GPHN: variants seen among roughly 807,000 people sequenced by gnomAD.
GPHN encodes the protein gephyrin.
GPHN carries 17 observed loss-of-function variants against 95.5 expected under a neutral mutation model. That is an observed-to-expected ratio of 0.18 (90% CI 0.12 to 0.27). The LOEUF (loss-of-function observed/expected upper bound fraction) is 0.27, where lower values mean the gene tolerates loss of function less well. Ranked by LOEUF, GPHN falls within the 10% of genes least tolerant of loss-of-function variation. The pLI is 1.00. For missense variants in GPHN, 660 were observed against 978.1 expected (o/e 0.67, Z 4.34); for synonymous variants, 320 against 322.5 (o/e 0.99, Z 0.08).
chr14:66,530,161 T>C (rs1339147238), intron 1 of GPHN, among the ~76,000 whole-genome samples: 1 of 152,148 alleles, frequency 6.6e-6, no homozygotes. Flanking sequence ...TGGAGGATTC[T>C]AGAGAGGCAG....
At chr14:66,961,372 GAC>G (rs946479531) in intron 8 of GPHN, among the ~76,000 whole-genome samples, 1 of 151,704 alleles carries the variant, frequency 6.6e-6, no homozygotes, top group Admixed American at 6.6e-5. Context: ...TTCCTTTTAA[GAC>G]ACAAAAACCA....
intron 5 of GPHN, among the ~76,000 whole-genome samples, chr14:66,894,803 A>G (rs1467770413): frequency 3.3e-5 from 5 of 152,234 alleles, no homozygotes; most frequent in Admixed American, 6.5e-5. Flanking sequence ...CAAAACCACA[A>G]TGAGATACCA....
chr14:66,692,555 C>A (rs2067850456), intron 2 of GPHN, among the ~76,000 whole-genome samples: 1 of 152,136 alleles, frequency 6.6e-6, no homozygotes, highest in South Asian at 2.1e-4. Flanking sequence ...TCTATACAAC[C>A]AGGAGAGAGA....
At chr14:67,157,672 A>T (rs1480425973) in intron 18 of GPHN, among the ~76,000 whole-genome samples, 1 of 151,928 alleles carries the variant, frequency 6.6e-6, no homozygotes, top group Non-Finnish European at 1.5e-5. Context: ...AAAAATACAA[A>T]AATTCGCCGG....
intron 9 of GPHN, among the ~76,000 whole-genome samples, chr14:66,999,518 C>T (rs567627218): frequency 6.6e-6 from 1 of 151,440 alleles, no homozygotes. Flanking sequence ...ATTGAGCTAC[C>T]TCCTATGCCT....
chr14:66,952,946 G>A (rs1212208183), intron 8 of GPHN, among the ~76,000 whole-genome samples: 12 of 151,492 alleles, frequency 7.9e-5, no homozygotes, highest in African/African-American at 2.2e-4. Flanking sequence ...TTCCAGCCTC[G>A]GCCCCCTAAA....
intron 19 of GPHN, among the ~76,000 whole-genome samples, chr14:67,164,647 A>G (rs373796292): frequency 4.6e-5 from 7 of 152,092 alleles, no homozygotes; most frequent in African/African-American, 1.7e-4. Context: ...GCACACCACC[A>G]TGCCTGGCAA....
chr14:66,596,107 T>A (rs1161977787), intron 1 of GPHN, among the ~76,000 whole-genome samples: 1 of 151,956 alleles, frequency 6.6e-6, no homozygotes, highest in Non-Finnish European at 1.5e-5. Flanking sequence ...TCTGCTCAGC[T>A]CTCAGCAGAG....
At chr14:66,864,217 C>T (rs1409980909) in intron 4 of GPHN, among the ~76,000 whole-genome samples, 2 of 152,098 alleles carry the variant, frequency 1.3e-5, no homozygotes, top group Non-Finnish European at 2.9e-5. Context: ...TGAAAAGATA[C>T]TCAGCATCAT....
chr14:66,952,773 C>A (rs2068189424), intron 8 of GPHN, among the ~76,000 whole-genome samples: 2 of 152,154 alleles, frequency 1.3e-5, no homozygotes, highest in Admixed American at 1.3e-4. Flanking sequence ...CGGCTCACTG[C>A]AACCTCAGCC....
chr14:66,520,497 A>G (rs796172138), intron 1 of GPHN, among the ~76,000 whole-genome samples: 13 of 152,242 alleles, frequency 8.5e-5, no homozygotes, highest in African/African-American at 3.1e-4. Context: ...AGCTGACTTA[A>G]GGGACTCAAA....
the GPHN span, chr14:67,397,892 G>C: frequency 7.6e-7 from 1 of 1,324,090 alleles, no homozygotes; most frequent in South Asian, 1.5e-5. Flanking sequence ...TCAGGGAGGG[G>C]GTGTCTGGTG....
the GPHN span, among the ~76,000 whole-genome samples, chr14:67,284,621 A>C: frequency 6.7e-6 from 1 of 149,196 alleles, no homozygotes; most frequent in African/African-American, 2.5e-5. Flanking sequence ...TATAATTCCA[A>C]AATATGTACC....
chr14:67,352,438 A>G, the GPHN span, among the ~76,000 whole-genome samples: 2 of 152,098 alleles, frequency 1.3e-5, no homozygotes, highest in East Asian at 3.9e-4. Flanking sequence ...AAAAAAAAAA[A>G]AAAAGAAAAA....
At chr14:67,710,518 CA>C in the GPHN span, among the ~76,000 whole-genome samples, 1 of 152,100 alleles carries the variant, frequency 6.6e-6, no homozygotes, top group African/African-American at 2.4e-5. Flanking sequence ...CCAGTCATGT[CA>C]TTTTACTCTA....
chr14:66,786,301 A>G (rs1010714125), intron 3 of GPHN, among the ~76,000 whole-genome samples: 2 of 152,102 alleles, frequency 1.3e-5, no homozygotes, highest in Non-Finnish European at 2.9e-5. Context: ...AAATGGACCA[A>G]TTCCTTGAAA....
rs189398758 is a variant in GPHN at position 66,871,761 on chromosome 14, C to T, written c.295-8178C>T. ...GACACAGGGAGGAAAACAACACACA[C>T]TGGGGCCTGTCGGCGGGGTGAGGGG... On this transcript the variant is annotated intron_variant, in intron 4 of 22. Coordinates refer to ENST00000478722, the MANE Select transcript of GPHN (RefSeq NM_020806.5). Among the ~76,000 whole-genome samples the T allele has an allele frequency of 1.1e-4, 17 of 151,336 alleles. No individual in the cohort carries two copies. The East Asian group carries it at 3.3e-3, about 30-fold the overall frequency.
At chr14:66,638,731 ATTC>A in intron 1 of GPHN, among the ~76,000 whole-genome samples, 1 of 151,876 alleles carries the variant, frequency 6.6e-6, no homozygotes, top group African/African-American at 2.4e-5. Flanking sequence ...TTTCCCTTTA[ATTC>A]TTCTTTTCCA....
At chr14:67,630,529 C>G in the GPHN span, among the ~76,000 whole-genome samples, 1 of 152,194 alleles carries the variant, frequency 6.6e-6, no homozygotes, top group Non-Finnish European at 1.5e-5. Context: ...AGAACTAGTT[C>G]ATGTGACCAC....
Sources: allele counts gnomAD v4.1 joint callset (sites outside exome capture counted in the v4.1 genomes callset), GRCh38; gene constraint gnomAD v4.1.1; transcripts MANE v1.5; gene names NCBI Gene and HGNC (gene_info 2026-07-23, HGNC 2026-07-21).